The following WDR27 variants were observed in gnomAD, a reference collection of about 807,000 sequenced individuals.
The protein encoded by WDR27 is WD repeat domain 27.
Under a neutral mutation model 114.4 loss-of-function variants are expected in WDR27, and 100 were observed. The ratio of observed to expected loss-of-function variants is 0.87; its 90% CI spans 0.74 to 1.03. The LOEUF (loss-of-function observed/expected upper bound fraction) is 1.03, where lower values mean the gene tolerates loss of function less well. WDR27 is among the 50% of genes least tolerant of loss of function. The probability of loss-of-function intolerance (pLI) is 0.00; values close to 1 mark genes in which losing one functional copy is unlikely to be tolerated. For synonymous variants in WDR27, 449 were observed against 423.1 expected, an observed-to-expected ratio of 1.06 and a Z score of -0.75; for missense variants, 1,129 against 1,092.9, an observed-to-expected ratio of 1.03 and a Z score of -0.47.
At position 169,658,978 on chromosome 6, in the gene WDR27, C is replaced by T. The variant is rs1004931090; in HGVS notation, c.1319+108G>A. The T allele has an allele frequency of 1.8e-5, 26 of 1,425,532 alleles. No homozygotes were observed. The African/African-American group carries it at 2.7e-4, about 15-fold the overall frequency. 88.3% of individuals were successfully genotyped at this position (1,425,532 alleles called of 1,614,324 possible). A position where few individuals can be genotyped will look rare whatever the true frequency, so the allele number is the denominator to read the frequency against. On this transcript the variant is annotated intron_variant, in intron 12 of 25. Coordinates refer to ENST00000448612, the MANE Select transcript of WDR27 (RefSeq NM_182552.5). The stretch of plus-strand genomic sequence containing the variant: ...CTGGGATTATAGGCGTGAGCCACCG[C>T]GCCCGGCCAGAGCTCAGAGTTTTCT...
intron 24 of WDR27, among the ~76,000 whole-genome samples, chr6:169,579,349 A>C (rs1193801336): frequency 6.6e-6 from 1 of 152,222 alleles, no homozygotes; most frequent in Admixed American, 6.5e-5. Context: ...TATTTATCAT[A>C]AGATATATGT....
At chr6:169,602,119 T>G (rs1808105772) in intron 23 of WDR27, 100 bp downstream of exon 23, 5 of 790,388 alleles carry the variant, frequency 6.3e-6, no homozygotes, top group Middle Eastern at 2.6e-4. Flanking sequence ...ACAGTCAAGC[T>G]GAAAGTAGGT....
At chr6:169,569,222 TA>T (rs1800977564) in intron 25 of WDR27, among the ~76,000 whole-genome samples, 1 of 147,960 alleles carries the variant, frequency 6.8e-6, no homozygotes, top group Non-Finnish European at 1.5e-5. Context: ...TTGATGTTTA[TA>T]AATTTAAAAT....
At position 169,659,413 on chromosome 6, in the gene WDR27, C is replaced by T. The variant is rs757906022; in HGVS notation, c.1197+38G>A. The T allele has an allele frequency of 2.3e-5, 37 of 1,597,880 alleles. No homozygotes were observed. Among genetic ancestry groups the T allele is most frequent in the South Asian group, 9.0e-5 (8 of 89,148 alleles). On this transcript the variant is annotated intron_variant, in intron 11 of 25. Transcript: ENST00000448612. The surrounding 1 kb of genome is among the most constrained non-coding windows in gnomAD (Gnocchi z 4.3). Reference sequence around the variant, plus strand: ...CTGAAGAAAGAAGAAATCAGAGGCACGTCTCATAGACAGGGAGGGCCGCGT... The same window carrying T: ...CTGAAGAAAGAAGAAATCAGAGGCATGTCTCATAGACAGGGAGGGCCGCGT...
At chr6:169,660,448 G>A (rs1412384050) in intron 10 of WDR27, among the ~76,000 whole-genome samples, 1 of 152,162 alleles carries the variant, frequency 6.6e-6, no homozygotes, top group Non-Finnish European at 1.5e-5. Context: ...GGCAAGGAGT[G>A]GCTCCAGGGC....
chr6:169,430,256 C>T, the WDR27 span, among the ~76,000 whole-genome samples: 19 of 152,222 alleles, frequency 1.2e-4, no homozygotes, highest in South Asian at 1.4e-3. Context: ...GGTGAGCACC[C>T]GCCTACCTGC....
At chr6:169,545,723 A>T (rs1433893511) in intron 25 of WDR27, among the ~76,000 whole-genome samples, 2 of 152,200 alleles carry the variant, frequency 1.3e-5, no homozygotes, top group East Asian at 3.8e-4. Flanking sequence ...TGTCAAGAGG[A>T]TAAAAAGGTG....
chr6:169,451,517 T>C, the WDR27 span, among the ~76,000 whole-genome samples: 1 of 152,366 alleles, frequency 6.6e-6, no homozygotes, highest in Non-Finnish European at 1.5e-5. Context: ...TTTGTGGACA[T>C]GTATATTCAT....
At chr6:169,531,923 G>T (rs1795658520) in intron 25 of WDR27, among the ~76,000 whole-genome samples, 1 of 152,080 alleles carries the variant, frequency 6.6e-6, no homozygotes, top group Admixed American at 6.6e-5. Flanking sequence ...ATGTAGCTTT[G>T]TCTTTGGATG....
intron 17 of WDR27, among the ~76,000 whole-genome samples, chr6:169,640,346 A>G (rs577004107): frequency 6.6e-6 from 1 of 152,244 alleles, no homozygotes; most frequent in Non-Finnish European, 1.5e-5. Context: ...CAGGAAAGAT[A>G]TAAGAATATG....
rs1811124872 is a variant in WDR27 at position 169,613,579 on chromosome 6, C to A, written c.2301G>T (p.Leu767=). ...LTTAIGDGMR[L]WDLRTLRCER... ...CTTACCTCAGGGTTCTCAGGTCCCA[C>A]AGTCTCATCCCATCGCCAATGGCCG... The change falls in exon 22 of 26, where the codon CTG becomes CTT. Residue 767 remains leucine, a synonymous_variant. Transcript: ENST00000448612. The A allele has an allele frequency of 8.1e-6, 13 of 1,613,752 alleles. No individual in the cohort carries two copies. The highest frequency in any genetic ancestry group is 1.7e-5 in the Admixed American group (1 of 59,990).
At chr6:169,665,302 C>T in intron 7 of WDR27, 184 bp downstream of exon 7, 3 of 1,380,952 alleles carry the variant, frequency 2.2e-6, no homozygotes, top group Non-Finnish European at 2.8e-6. Context: ...ACCAGGGGGC[C>T]CAGGACCATA....
intron 2 of WDR27, among the ~76,000 whole-genome samples, chr6:169,677,405 A>T (rs1467655350): frequency 1.3e-5 from 2 of 152,264 alleles, no homozygotes; most frequent in African/African-American, 4.8e-5. Flanking sequence ...ATTTCTAATC[A>T]GCAAAGCATG....
chr6:169,478,472 G>T (rs1583658664), intron 25 of WDR27, among the ~76,000 whole-genome samples: 1 of 151,970 alleles, frequency 6.6e-6, no homozygotes, highest in Non-Finnish European at 1.5e-5. Flanking sequence ...GTTAAGTCGG[G>T]TGTACATGTA....
chr6:169,448,487 A>G, the WDR27 span, among the ~76,000 whole-genome samples: 116 of 151,972 alleles, frequency 7.6e-4, 1 homozygote, highest in Middle Eastern at 0.041. Flanking sequence ...AAGGAGTATG[A>G]TGTGCAAGGC....
chr6:169,578,974 AC>A (rs2128136407), intron 24 of WDR27, among the ~76,000 whole-genome samples: 1 of 152,132 alleles, frequency 6.6e-6, no homozygotes, highest in South Asian at 2.1e-4. Flanking sequence ...TCTCACCAGC[AC>A]CCTAGGTACA....
At chr6:169,689,039 G>A (rs755975740) in intron 1 of WDR27, 27 bp from the exon 2 acceptor site, 2 of 1,531,678 alleles carry the variant, frequency 1.3e-6, no homozygotes, top group South Asian at 1.2e-5. Flanking sequence ...CATATAAGAT[G>A]ACTATAGGTA....
At chr6:169,570,438 G>A (rs1478579380) in intron 25 of WDR27, among the ~76,000 whole-genome samples, 5 of 152,214 alleles carry the variant, frequency 3.3e-5, no homozygotes, top group Non-Finnish European at 5.9e-5. Flanking sequence ...CAGTGTGTAC[G>A]TGATGCTTCA....
In WDR27 at chr6:169,659,549, G is replaced by C; in HGVS notation, c.1130-31C>G. 3 of 1,588,844 alleles carry C rather than the reference G, an allele frequency of 1.9e-6. No homozygotes were observed. The highest frequency in any genetic ancestry group is 2.6e-6 in the Non-Finnish European group (3 of 1,167,308). ...GTTGAGCGAAGACCAGGAAGAACAT[G>C]ATGGGGAGGGAGGTAGCACATACAC... is the stretch of plus-strand genomic sequence containing the variant. On this transcript the variant is annotated intron_variant, in intron 10 of 25. Coordinates refer to ENST00000448612, the MANE Select transcript of WDR27 (RefSeq NM_182552.5). This position sits in a 1 kb window ranked among gnomAD's most constrained non-coding sequence, Gnocchi z 4.3.
Sources: gnomAD v4.1 joint callset for allele counts (sites outside exome capture counted in the v4.1 genomes callset) on GRCh38, gnomAD v4.1.1 for gene constraint, Gnocchi (gnomAD v3.1) non-coding constraint, MANE v1.5 for transcripts, NCBI Gene and HGNC (gene_info 2026-07-23, HGNC 2026-07-21) for gene names.